SOX6: variants seen among roughly 807,000 people sequenced by gnomAD.
SOX6 encodes SRY-box transcription factor 6.
A neutral mutation model predicts 97.8 loss-of-function variants in SOX6; 11 were observed. The observed-to-expected ratio is 0.11, with a 90% CI of 0.07 to 0.19. The LOEUF (loss-of-function observed/expected upper bound fraction) is 0.19, where lower values mean the gene tolerates loss of function less well. SOX6 is among the 10% of genes least tolerant of loss of function. SOX6 has a pLI of 1.00. For synonymous variants in SOX6, 360 were observed against 371.4 expected (o/e 0.97, Z 0.35); for missense variants, 810 against 1,039.5 (o/e 0.78, Z 3.04).
chr11:16,378,879 AT>A, intron 1 of SOX6, among the ~76,000 whole-genome samples: 1 of 152,248 alleles, frequency 6.6e-6, no homozygotes, highest in East Asian at 1.9e-4. Flanking sequence ...TTATAAATCA[AT>A]AAGAATTAAT....
chr11:16,287,895 G>A (rs767576294), intron 3 of SOX6, among the ~76,000 whole-genome samples: 1 of 152,040 alleles, frequency 6.6e-6, no homozygotes, highest in Non-Finnish European at 1.5e-5. Context: ...TAGTGAGCAG[G>A]GAAGAAGAAA....
At chr11:16,687,924 T>C (rs1352017778) in intron 3 of SOX6, among the ~76,000 whole-genome samples, 1 of 152,162 alleles carries the variant, frequency 6.6e-6, no homozygotes, top group South Asian at 2.1e-4. Context: ...TGTTTCTCTA[T>C]AAATAATGTC....
intron 9 of SOX6, among the ~76,000 whole-genome samples, chr11:16,063,112 G>T (rs1847998971): frequency 6.6e-6 from 1 of 151,538 alleles, no homozygotes; most frequent in African/African-American, 2.4e-5. Flanking sequence ...TAAATAAATT[G>T]AATTAAGAAA....
chr11:16,668,283 GA>G (rs71047510), intron 3 of SOX6, among the ~76,000 whole-genome samples: 40,629 of 151,958 alleles, frequency 0.27, 6,064 homozygotes, highest in East Asian at 0.48. Flanking sequence ...TGAGGCAGGA[GA>G]ATTGCTTGAA....
intron 1 of SOX6, among the ~76,000 whole-genome samples, chr11:16,420,581 G>C (rs1053357154): frequency 1.3e-5 from 2 of 152,122 alleles, no homozygotes; most frequent in African/African-American, 4.8e-5. Flanking sequence ...ACTAGAGAGA[G>C]ATAAAAAGTA....
At chr11:16,172,422 C>T (rs145363464) in intron 6 of SOX6, among the ~76,000 whole-genome samples, 1 of 152,028 alleles carries the variant, frequency 6.6e-6, no homozygotes, top group Non-Finnish European at 1.5e-5. Context: ...TTTACAGGCC[C>T]TCTTCTTAAA....
chr11:16,117,968 CT>C (rs145651215), intron 6 of SOX6, among the ~76,000 whole-genome samples: 2 of 151,994 alleles, frequency 1.3e-5, no homozygotes, highest in Non-Finnish European at 2.9e-5. Flanking sequence ...CAAATAGCAT[CT>C]TTTTTTTCTT....
chr11:16,518,010 C>T (rs777195646), intron 4 of SOX6, among the ~76,000 whole-genome samples: 25 of 152,278 alleles, frequency 1.6e-4, no homozygotes, highest in Non-Finnish European at 3.1e-4. Flanking sequence ...CTATTCATTG[C>T]TCGCCCCATC....
chr11:16,145,890 T>C (rs1850279672), intron 6 of SOX6, among the ~76,000 whole-genome samples: 1 of 152,104 alleles, frequency 6.6e-6, no homozygotes, highest in Non-Finnish European at 1.5e-5. Context: ...CGCTCATGGG[T>C]AGGAAGAATC....
chr11:16,661,801 T>G (rs1461466199), intron 3 of SOX6, among the ~76,000 whole-genome samples: 5 of 152,126 alleles, frequency 3.3e-5, no homozygotes, highest in Non-Finnish European at 5.9e-5. Flanking sequence ...CCTCCCACCT[T>G]GGCCTCCCAA....
chr11:16,007,459 C>T (rs1319469430), intron 13 of SOX6, among the ~76,000 whole-genome samples: 1 of 152,052 alleles, frequency 6.6e-6, no homozygotes, highest in Non-Finnish European at 1.5e-5. Context: ...GATAGGAAGT[C>T]AGTAACAGAA....
At chr11:16,120,199 C>A (rs962493292) in intron 6 of SOX6, among the ~76,000 whole-genome samples, 1 of 145,410 alleles carries the variant, frequency 6.9e-6, no homozygotes, top group Non-Finnish European at 1.5e-5. Context: ...CTCTCTCACT[C>A]CCCCTCCTGC....
chr11:15,984,172 A>T (rs1853754775), intron 15 of SOX6, among the ~76,000 whole-genome samples: 1 of 152,216 alleles, frequency 6.6e-6, no homozygotes. Flanking sequence ...GTCAATAAAT[A>T]ATAGATGTTA....
chr11:16,026,137 G>A (rs997266130), intron 12 of SOX6, among the ~76,000 whole-genome samples: 2 of 152,134 alleles, frequency 1.3e-5, no homozygotes, highest in African/African-American at 2.4e-5. Context: ...AGGGAGTTAA[G>A]TTAACTTATC....
chr11:16,261,033 T>A (rs570480807), intron 3 of SOX6, among the ~76,000 whole-genome samples: 1 of 152,312 alleles, frequency 6.6e-6, no homozygotes, highest in South Asian at 2.1e-4. Context: ...TAACTCCTAT[T>A]CATTCAGTTA....
intron 3 of SOX6, among the ~76,000 whole-genome samples, chr11:16,309,264 T>C (rs957774461): frequency 1.4e-4 from 21 of 152,090 alleles, no homozygotes; most frequent in African/African-American, 5.1e-4. Context: ...CTGGAAAAAG[T>C]CCAAGTGTCC....
intron 1 of SOX6, among the ~76,000 whole-genome samples, chr11:16,416,333 G>A (rs771090695): frequency 1.2e-4 from 19 of 152,216 alleles, no homozygotes; most frequent in South Asian, 8.3e-4. Flanking sequence ...ACAACAGATA[G>A]GCACAGAATT....
intron 3 of SOX6, among the ~76,000 whole-genome samples, chr11:16,686,353 C>T (rs141496144): frequency 9.2e-5 from 14 of 152,254 alleles, no homozygotes; most frequent in African/African-American, 3.1e-4. Context: ...TAAGTCATTC[C>T]TTTGCTCCTG....
At chr11:15,998,662 C>T (rs900907753) in intron 13 of SOX6, among the ~76,000 whole-genome samples, 5 of 151,948 alleles carry the variant, frequency 3.3e-5, no homozygotes, top group Admixed American at 2.0e-4. Flanking sequence ...TTAATGAAAA[C>T]TAAGGCTGTT....
Sources: gnomAD v4.1 joint callset for allele counts (sites outside exome capture counted in the v4.1 genomes callset) on GRCh38, gnomAD v4.1.1 for gene constraint, MANE v1.5 for transcripts, NCBI Gene and HGNC (gene_info 2026-07-23, HGNC 2026-07-21) for gene names.